Variants in FBXL5 observed in about 807,000 individuals in gnomAD.
FBXL5 encodes F-box and leucine rich repeat protein 5.
In FBXL5, 26 loss-of-function variants were observed where a neutral mutation model predicts 78.3. The ratio of observed to expected loss-of-function variants is 0.33; its 90% CI spans 0.24 to 0.46. The LOEUF is 0.46. Ranked by LOEUF, FBXL5 falls within the 20% of genes least tolerant of loss-of-function variation. The probability of loss-of-function intolerance (pLI) is 1.00; values close to 1 mark genes in which losing one functional copy is unlikely to be tolerated. For synonymous variants in FBXL5, 295 were observed against 282.5 expected (o/e 1.04, Z -0.45); for missense variants, 710 against 829.2 (o/e 0.86, Z 1.77).
chr4:15,639,268 T>C (rs576498264), intron 3 of FBXL5, among the ~76,000 whole-genome samples: 1 of 152,298 alleles, frequency 6.6e-6, no homozygotes, highest in East Asian at 1.9e-4. Flanking sequence ...GGCTTTCCCT[T>C]TATAGAATTT....
intron 3 of FBXL5, 53 bp downstream of exon 3, chr4:15,640,735 T>C (rs971613749): frequency 9.1e-6 from 9 of 985,916 alleles, no homozygotes; most frequent in Non-Finnish European, 1.4e-5. Flanking sequence ...TAAAGCAAAA[T>C]AGTATTTTAA....
chr4:15,672,532 T>C (rs1406363049), intron 1 of FBXL5, among the ~76,000 whole-genome samples: 1 of 152,232 alleles, frequency 6.6e-6, no homozygotes, highest in African/African-American at 2.4e-5. Context: ...ATGGTATTTT[T>C]GTATCTAAAC....
intron 9 of FBXL5, among the ~76,000 whole-genome samples, chr4:15,620,280 A>T (rs112703358): frequency 2.6e-4 from 40 of 152,332 alleles, no homozygotes; most frequent in Admixed American, 2.0e-3. Flanking sequence ...GAAAGAAATT[A>T]AAAAAGATCT....
At chr4:15,613,414 T>A (rs894668763) in intron 9 of FBXL5, among the ~76,000 whole-genome samples, 2 of 152,138 alleles carry the variant, frequency 1.3e-5, no homozygotes, top group Non-Finnish European at 2.9e-5. Context: ...AAAAGCAGTA[T>A]TTACATAAAT....
chr4:15,623,698 T>C (rs56093715), intron 9 of FBXL5, among the ~76,000 whole-genome samples: 13,561 of 152,226 alleles, frequency 0.089, 768 homozygotes, highest in Non-Finnish European at 0.12. Context: ...CTATAACATA[T>C]GCCCTTGGAT....
chr4:15,645,022 T>C (rs1302775455), intron 1 of FBXL5, among the ~76,000 whole-genome samples: 1 of 152,110 alleles, frequency 6.6e-6, no homozygotes, highest in Non-Finnish European at 1.5e-5. Context: ...CATTACTCTA[T>C]ATGTATGCTA....
chr4:15,675,622 C>T (rs1717960993), intron 1 of FBXL5, among the ~76,000 whole-genome samples: 1 of 143,618 alleles, frequency 7.0e-6, no homozygotes, highest in Admixed American at 7.4e-5. Context: ...GCTCTTGCTG[C>T]CCAAGTTGCA....
intron 1 of FBXL5, among the ~76,000 whole-genome samples, chr4:15,671,221 G>T (rs572413425): frequency 6.6e-6 from 1 of 151,932 alleles, no homozygotes; most frequent in South Asian, 2.1e-4. Context: ...ACTGCACCTG[G>T]CCTGGGCATG....
In FBXL5 at chr4:15,625,744, T is replaced by C. The variant is rs1286964762; in HGVS notation, c.1358A>G (p.Lys453Arg). The change falls in exon 9 of 11, where the codon AAG (lysine) becomes AGG (arginine). Residue 453 changes from lysine to arginine, a missense_variant. By Grantham distance (26) the Lys-to-Arg change is conservative. Transcript: ENST00000341285. ...ATTATCTATTTCTTCTCCAATGCCC[T>C]TGTTAGTTAAATCGTGCAAACAGGC... ...QYACLHDLTNKGIGEEIDNEH... is the reference protein window; with the variant it reads ...QYACLHDLTNRGIGEEIDNEH... The C allele has an allele frequency of 4.3e-6, 7 of 1,614,060 alleles. No homozygotes were observed. Among genetic ancestry groups the C allele is most frequent in the Admixed American group, 1.7e-5 (1 of 60,000 alleles).
At chr4:15,649,905 C>T (rs372866375) in intron 1 of FBXL5, among the ~76,000 whole-genome samples, 6 of 152,016 alleles carry the variant, frequency 3.9e-5, no homozygotes, top group South Asian at 4.1e-4. Context: ...ACAACAAAAC[C>T]GAGACCAAGT....
At chr4:15,632,153 C>G (rs1277523111) in intron 5 of FBXL5, among the ~76,000 whole-genome samples, 1 of 152,146 alleles carries the variant, frequency 6.6e-6, no homozygotes, top group Non-Finnish European at 1.5e-5. Flanking sequence ...GTTTTCCCAG[C>G]ACCATTTATT....
At chr4:15,650,626 T>A (rs1715888042) in intron 1 of FBXL5, among the ~76,000 whole-genome samples, 2 of 151,044 alleles carry the variant, frequency 1.3e-5, no homozygotes, top group Admixed American at 6.6e-5. Flanking sequence ...TAACATGATA[T>A]CTTCCACATT....
chr4:15,623,599 T>A (rs1162946131), intron 9 of FBXL5, among the ~76,000 whole-genome samples: 2 of 152,096 alleles, frequency 1.3e-5, no homozygotes, highest in Non-Finnish European at 2.9e-5. Context: ...AAAAACAAAA[T>A]CATATTACAG....
chr4:15,651,841 ATC>A (rs887351182), intron 1 of FBXL5, among the ~76,000 whole-genome samples: 2 of 152,176 alleles, frequency 1.3e-5, no homozygotes, highest in Non-Finnish European at 2.9e-5. Flanking sequence ...AAGCCTGGGA[ATC>A]TCTGAACTAA....
intron 1 of FBXL5, among the ~76,000 whole-genome samples, chr4:15,679,542 C>G (rs1718123399): frequency 7.0e-6 from 1 of 142,228 alleles, no homozygotes; most frequent in South Asian, 2.2e-4. Context: ...GAGAAATATG[C>G]TAAAGGTACA....
intron 1 of FBXL5, among the ~76,000 whole-genome samples, chr4:15,668,332 CAAG>C (rs1717630659): frequency 6.6e-6 from 1 of 151,434 alleles, no homozygotes; most frequent in Non-Finnish European, 1.5e-5. Flanking sequence ...TAAAAATAAT[CAAG>C]AATGATGAAG....
At chr4:15,671,525 C>T (rs1177600827) in intron 1 of FBXL5, among the ~76,000 whole-genome samples, 9 of 152,306 alleles carry the variant, frequency 5.9e-5, no homozygotes, top group Admixed American at 5.2e-4. Flanking sequence ...CCTCCTGCCT[C>T]AGCCTCTCAA....
intron 10 of FBXL5, among the ~76,000 whole-genome samples, chr4:15,606,571 T>C (rs188191143): frequency 4.6e-5 from 7 of 152,198 alleles, no homozygotes; most frequent in African/African-American, 1.7e-4. Context: ...AAATGTCAAG[T>C]ACTCTGAATG....
At chr4:15,630,268 A>C (rs1031222759) in intron 6 of FBXL5, among the ~76,000 whole-genome samples, 2 of 152,174 alleles carry the variant, frequency 1.3e-5, no homozygotes, top group Admixed American at 1.3e-4. Flanking sequence ...ACTATCTACA[A>C]ACGAGTAAGT....
Sources: gnomAD v4.1 joint callset for allele counts (sites outside exome capture counted in the v4.1 genomes callset) on GRCh38, gnomAD v4.1.1 for gene constraint, MANE v1.5 for transcripts, NCBI Gene and HGNC (gene_info 2026-07-23, HGNC 2026-07-21) for gene names.